Variants in MARK3 observed in about 807,000 individuals in gnomAD.
MARK3 encodes microtubule affinity regulating kinase 3.
In MARK3, 46 loss-of-function variants were observed where a neutral mutation model predicts 90.1. That is an observed-to-expected ratio of 0.51 (90% CI 0.40 to 0.65). The LOEUF is 0.65. MARK3 is among the 30% of genes least tolerant of loss of function. The pLI is 0.00. For missense variants in MARK3, 818 were observed against 947.2 expected, an observed-to-expected ratio of 0.86 and a Z score of 1.79; for synonymous variants, 321 against 332.6, an observed-to-expected ratio of 0.97 and a Z score of 0.38.
chr14:103,458,725 AG>A (rs1248452334), intron 6 of MARK3: 1 of 715,344 alleles, frequency 1.4e-6, no homozygotes, highest in Non-Finnish European at 2.5e-6. Flanking sequence ...ATTCATATAC[AG>A]GGTTGTCAAG....
intron 1 of MARK3, among the ~76,000 whole-genome samples, chr14:103,393,807 T>C (rs148487634): frequency 6.6e-6 from 1 of 151,978 alleles, no homozygotes; most frequent in Admixed American, 6.6e-5. Context: ...GTTGCCAGGC[T>C]GGAGTGCAAT....
At chr14:103,453,078 C>G (rs2093192658) in intron 5 of MARK3, among the ~76,000 whole-genome samples, 1 of 152,158 alleles carries the variant, frequency 6.6e-6, no homozygotes, top group Admixed American at 6.5e-5. Context: ...ACTAGAGTTT[C>G]CTTAAAATAA....
At chr14:103,432,136 C>G (rs1340846725) in intron 3 of MARK3, among the ~76,000 whole-genome samples, 1 of 152,094 alleles carries the variant, frequency 6.6e-6, no homozygotes, top group African/African-American at 2.4e-5. Context: ...AAATATTAAA[C>G]AAGACAAGAA....
At chr14:103,445,931 G>T (rs1469644634) in intron 3 of MARK3, among the ~76,000 whole-genome samples, 1 of 152,212 alleles carries the variant, frequency 6.6e-6, no homozygotes, top group Non-Finnish European at 1.5e-5. Flanking sequence ...GGCTGGCTCA[G>T]ACCGCAGTTG....
At chr14:103,448,790 G>A in intron 3 of MARK3, 129 bp from the exon 4 acceptor site, 1 of 890,108 alleles carries the variant, frequency 1.1e-6, no homozygotes, top group Non-Finnish European at 1.6e-6. Flanking sequence ...TCTTAGATAT[G>A]GATTAATAAA....
intron 4 of MARK3, among the ~76,000 whole-genome samples, chr14:103,449,449 CTT>C (rs2093078062): frequency 6.8e-6 from 1 of 146,524 alleles, no homozygotes; most frequent in Admixed American, 6.8e-5. Flanking sequence ...TAATAATAAA[CTT>C]AAAAATTTGT....
chr14:103,495,063 T>A (rs2075264824), intron 15 of MARK3, among the ~76,000 whole-genome samples: 1 of 152,210 alleles, frequency 6.6e-6, no homozygotes, highest in Admixed American at 6.5e-5. Flanking sequence ...AATGAGTATA[T>A]TTATACACAT....
chr14:103,397,326 ATT>A (rs34252723), intron 1 of MARK3, among the ~76,000 whole-genome samples: 15 of 133,052 alleles, frequency 1.1e-4, no homozygotes, highest in Non-Finnish European at 1.1e-4. Flanking sequence ...CTGAATAAAC[ATT>A]TTTTTTTTTT....
intron 3 of MARK3, among the ~76,000 whole-genome samples, chr14:103,444,482 A>T (rs1255721505): frequency 6.6e-6 from 1 of 152,222 alleles, no homozygotes; most frequent in African/African-American, 2.4e-5. Flanking sequence ...AAGTTGTATT[A>T]AGATAGTAGA....
At chr14:103,397,054 AAT>A (rs1324515742) in intron 1 of MARK3, among the ~76,000 whole-genome samples, 2 of 152,266 alleles carry the variant, frequency 1.3e-5, no homozygotes, top group Non-Finnish European at 2.9e-5. Flanking sequence ...TAACGTATTA[AAT>A]ATGTTTCTTT....
intron 7 of MARK3, among the ~76,000 whole-genome samples, chr14:103,462,839 C>G (rs1190688002): frequency 1.3e-5 from 2 of 152,176 alleles, no homozygotes; most frequent in African/African-American, 2.4e-5. Context: ...AGACCTCTTT[C>G]AAGGTCCTCA....
At chr14:103,481,913 CCTG>C (rs1305286182) in intron 14 of MARK3, among the ~76,000 whole-genome samples, 1 of 150,380 alleles carries the variant, frequency 6.6e-6, no homozygotes. Flanking sequence ...ACTACAGGCG[CCTG>C]CCACCACTCC....
At chr14:103,434,904 C>T (rs1173632330) in intron 3 of MARK3, among the ~76,000 whole-genome samples, 2 of 152,218 alleles carry the variant, frequency 1.3e-5, no homozygotes, top group Non-Finnish European at 2.9e-5. Flanking sequence ...TGGTCCACTC[C>T]GATACCCCTC....
chr14:103,455,621 A>T (rs556805245), intron 5 of MARK3, among the ~76,000 whole-genome samples: 59 of 151,454 alleles, frequency 3.9e-4, no homozygotes, highest in African/African-American at 1.4e-3. Flanking sequence ...CCAGCTACTC[A>T]GGAGGCTGAG....
chr14:103,435,780 A>C (rs1340338802), intron 3 of MARK3, among the ~76,000 whole-genome samples: 1 of 152,048 alleles, frequency 6.6e-6, no homozygotes, highest in East Asian at 1.9e-4. Flanking sequence ...AGGTAGCAGC[A>C]AGACCAGAGC....
intron 12 of MARK3, among the ~76,000 whole-genome samples, chr14:103,473,729 T>C (rs2093668238): frequency 6.6e-6 from 1 of 152,180 alleles, no homozygotes; most frequent in Non-Finnish European, 1.5e-5. Flanking sequence ...GTTTGTTTTT[T>C]AAATTTATTT....
chr14:103,440,008 C>T (rs2092811609), intron 3 of MARK3, among the ~76,000 whole-genome samples: 1 of 152,160 alleles, frequency 6.6e-6, no homozygotes, highest in East Asian at 1.9e-4. Context: ...TGGTCTCGAA[C>T]TCCTGACTTC....
chr14:103,503,191 T>G lies in MARK3; in HGVS notation c.2226T>G (p.Asn742Lys). The G allele has an allele frequency of 6.2e-7, 1 of 1,611,684 alleles. No individual in the cohort carries two copies. Among genetic ancestry groups the G allele is most frequent in the Non-Finnish European group, 8.5e-7 (1 of 1,177,948 alleles). The change falls in exon 18 of 18, where the codon AAT (asparagine) becomes AAG (lysine). Residue 742 changes from asparagine (N) to lysine (K), a missense_variant. Asn to Lys is a moderately conservative substitution (Grantham distance 94). This residue lies in a region of MARK3 where 560 missense variants were observed against 613.5 expected (regional missense o/e 0.91). Transcript: ENST00000429436. ...RISGTSIAFK[N>K]IASKIANELK... ...CGGGGACATCCATAGCCTTCAAAAATATTGCTTCCAAAATTGCCAATGAGC... is the reference window on the plus strand; with the variant it reads ...CGGGGACATCCATAGCCTTCAAAAAGATTGCTTCCAAAATTGCCAATGAGC...
intron 12 of MARK3, chr14:103,469,338 C>T (rs35466180): frequency 0.29 from 43,319 of 151,622 alleles, 7,269 homozygotes; most frequent in Non-Finnish European, 0.36. Flanking sequence ...TGCACAACCA[C>T]ACCCGGCTAA....
Sources: allele counts gnomAD v4.1 joint callset (sites outside exome capture counted in the v4.1 genomes callset), GRCh38; gene constraint gnomAD v4.1.1; regional missense constraint gnomAD v4.1.1; transcripts MANE v1.5; gene names NCBI Gene and HGNC (gene_info 2026-07-23, HGNC 2026-07-21).